The following NOX4 variants were observed in gnomAD, a reference collection of about 807,000 sequenced individuals.
The protein encoded by NOX4 is NADPH oxidase 4.
In NOX4, 69 loss-of-function variants were observed where a neutral mutation model predicts 87.6. The ratio of observed to expected loss-of-function variants is 0.79; its 90% CI spans 0.65 to 0.96. The LOEUF (loss-of-function observed/expected upper bound fraction) is 0.96. NOX4 is among the 40% of genes least tolerant of loss of function. NOX4 has a pLI of 0.00. For synonymous variants in NOX4, 275 were observed against 238.2 expected (o/e 1.15, Z -1.42); for missense variants, 680 against 681.5 (o/e 1.00, Z 0.02).
intron 3 of NOX4, among the ~76,000 whole-genome samples, chr11:89,450,524 T>C (rs892959743): frequency 1.3e-5 from 2 of 152,146 alleles, no homozygotes; most frequent in Non-Finnish European, 2.9e-5. Context: ...TTTGTTTTCT[T>C]ACATACTTCA....
chr11:89,486,496 A>G, intron 2 of NOX4, among the ~76,000 whole-genome samples: 2 of 146,522 alleles, frequency 1.4e-5, no homozygotes, highest in African/African-American at 2.5e-5. Context: ...GTTTGTGTGC[A>G]TATATACACA....
At chr11:89,366,842 A>G (rs1939037949) in intron 12 of NOX4, among the ~76,000 whole-genome samples, 1 of 152,106 alleles carries the variant, frequency 6.6e-6, no homozygotes, top group Admixed American at 6.6e-5. Context: ...AGCAATTTTT[A>G]TATTTCTGTA....
At chr11:89,391,110 T>C (rs1941090330) in intron 11 of NOX4, among the ~76,000 whole-genome samples, 1 of 152,168 alleles carries the variant, frequency 6.6e-6, no homozygotes, top group South Asian at 2.1e-4. Context: ...GCATTGATTA[T>C]GCACCACATA....
intron 8 of NOX4, among the ~76,000 whole-genome samples, chr11:89,405,080 TTGTGTGTG>T (rs71472257): frequency 3.8e-5 from 5 of 133,300 alleles, no homozygotes; most frequent in Non-Finnish European, 4.8e-5. Context: ...AAAAGTCAGA[TTGTGTGTG>T]TGTGTGTGTG....
chr11:89,402,098 T>A (rs762349663), intron 9 of NOX4, among the ~76,000 whole-genome samples: 44 of 152,118 alleles, frequency 2.9e-4, no homozygotes, highest in Non-Finnish European at 5.9e-4. Context: ...TATGCAAAGG[T>A]CATATGGTCA....
chr11:89,422,795 A>ATTTTTTTTTT (rs147956211), intron 7 of NOX4, among the ~76,000 whole-genome samples: 1 of 110,980 alleles, frequency 9.0e-6, no homozygotes, highest in African/African-American at 3.3e-5. Context: ...CAAAGTTCTG[A>ATTTTTTTTTT]TTTTTTTTTT....
At chr11:89,328,609 A>C (rs1238461037) in intron 17 of NOX4, among the ~76,000 whole-genome samples, 1 of 152,116 alleles carries the variant, frequency 6.6e-6, no homozygotes. Context: ...ATCAACAAAA[A>C]AGTACCAGGA....
chr11:89,545,924 C>T, the NOX4 span, among the ~76,000 whole-genome samples: 3 of 152,130 alleles, frequency 2.0e-5, no homozygotes, highest in East Asian at 5.8e-4. Flanking sequence ...AGTCTGCCTG[C>T]ATTGTATGAC....
chr11:89,567,070 T>C, the NOX4 span, among the ~76,000 whole-genome samples: 1 of 152,114 alleles, frequency 6.6e-6, no homozygotes, highest in South Asian at 2.1e-4. Flanking sequence ...GGCTTTGGCC[T>C]TTGTTGACTA....
At chr11:89,509,191 T>C in the NOX4 span, among the ~76,000 whole-genome samples, 2 of 152,204 alleles carry the variant, frequency 1.3e-5, no homozygotes, top group Admixed American at 1.3e-4. Flanking sequence ...TCCAACAGAA[T>C]TGCATGGCCA....
In NOX4 at chr11:89,440,723, A is replaced by G. The variant is rs1456374490; in HGVS notation, c.448-8T>C. The G allele has an allele frequency of 8.7e-6, 13 of 1,490,724 alleles. No individual in the cohort carries two copies. The highest frequency in any genetic ancestry group is 1.2e-5 in the Non-Finnish European group (13 of 1,083,700). The allele number at this position is 1,490,724 out of a possible 1,614,324, so 92.3% of individuals were successfully genotyped here. A position where few individuals can be genotyped will look rare whatever the true frequency, so the allele number is the denominator to read the frequency against. Reference sequence around the variant, plus strand: ...GAGAAGTTTTCTAGGATCCTGAGAAAAAGAAAAAAAAATAAATGATTAAAA... The same window carrying G: ...GAGAAGTTTTCTAGGATCCTGAGAAGAAGAAAAAAAAATAAATGATTAAAA... On this transcript the variant is annotated splice_region_variant and splice_polypyrimidine_tract_variant and intron_variant, in intron 5 of 17. Transcript: ENST00000263317.
chr11:89,422,724 T>C (rs1326751740), intron 7 of NOX4, among the ~76,000 whole-genome samples: 2 of 152,114 alleles, frequency 1.3e-5, no homozygotes, highest in Non-Finnish European at 2.9e-5. Flanking sequence ...TGCTTTACAT[T>C]TACTCCACTC....
intron 11 of NOX4, among the ~76,000 whole-genome samples, chr11:89,374,940 G>T (rs1939728171): frequency 6.6e-6 from 1 of 151,996 alleles, no homozygotes; most frequent in Non-Finnish European, 1.5e-5. Context: ...TATAAGGAGA[G>T]AAATAAATGA....
At chr11:89,529,260 C>T in the NOX4 span, among the ~76,000 whole-genome samples, 1 of 152,042 alleles carries the variant, frequency 6.6e-6, no homozygotes, top group South Asian at 2.1e-4. Context: ...GGGGTTTTTG[C>T]AGGTATATTT....
chr11:89,542,154 A>G, the NOX4 span, among the ~76,000 whole-genome samples: 1 of 152,324 alleles, frequency 6.6e-6, no homozygotes, highest in South Asian at 2.1e-4. Context: ...CATCTACTAA[A>G]AGAAGGGTAA....
At chr11:89,435,328 A>G (rs563574078) in intron 6 of NOX4, among the ~76,000 whole-genome samples, 32 of 152,156 alleles carry the variant, frequency 2.1e-4, no homozygotes, top group Non-Finnish European at 4.6e-4. Context: ...GTCTGCATAC[A>G]CTTTCCTATA....
At chr11:89,431,026 A>C (rs1184243444) in intron 7 of NOX4, among the ~76,000 whole-genome samples, 1 of 152,220 alleles carries the variant, frequency 6.6e-6, no homozygotes, top group African/African-American at 2.4e-5. Context: ...AATGGAACAG[A>C]ACAGAGCCCT....
chr11:89,499,132 A>C (rs1231973272), upstream of NOX4: 2 of 151,976 alleles, frequency 1.3e-5, no homozygotes, highest in Non-Finnish European at 2.9e-5. Flanking sequence ...AGTTATTTTT[A>C]GCTAGTTGCT....
At chr11:89,354,253 G>C (rs1166785938) in intron 13 of NOX4, among the ~76,000 whole-genome samples, 2 of 152,104 alleles carry the variant, frequency 1.3e-5, no homozygotes, top group African/African-American at 4.8e-5. Context: ...CAATTAAAGA[G>C]AGTTAAACAC....
Sources: gnomAD v4.1 joint callset for allele counts (sites outside exome capture counted in the v4.1 genomes callset) on GRCh38, gnomAD v4.1.1 for gene constraint, MANE v1.5 for transcripts, NCBI Gene and HGNC (gene_info 2026-07-23, HGNC 2026-07-21) for gene names.